Variants in CNTNAP2 observed in about 807,000 individuals in gnomAD.
CNTNAP2 encodes the protein contactin-associated protein-like 2.
In CNTNAP2, 98 loss-of-function variants were observed where a neutral mutation model predicts 155.2. The ratio of observed to expected loss-of-function variants is 0.63; its 90% CI spans 0.54 to 0.75. The LOEUF is 0.75. Ranked by LOEUF, CNTNAP2 falls within the 30% of genes least tolerant of loss-of-function variation. CNTNAP2 has a pLI of 0.00. For synonymous variants in CNTNAP2, 651 were observed against 631.2 expected, an observed-to-expected ratio of 1.03 and a Z score of -0.47; for missense variants, 1,727 against 1,688.1, an observed-to-expected ratio of 1.02 and a Z score of -0.40.
chr7:147,851,070 T>G (rs1421239440), intron 13 of CNTNAP2, among the ~76,000 whole-genome samples: 1 of 151,960 alleles, frequency 6.6e-6, no homozygotes, highest in Non-Finnish European at 1.5e-5. Flanking sequence ...TCAAACAAAT[T>G]TACAAGAAAA....
intron 3 of CNTNAP2, among the ~76,000 whole-genome samples, chr7:146,891,272 A>C (rs1253356739): frequency 6.6e-6 from 1 of 152,166 alleles, no homozygotes; most frequent in Non-Finnish European, 1.5e-5. Context: ...GAATGGGTTC[A>C]AGCCTAAAAA....
At chr7:146,591,363 A>T (rs1584996592) in intron 1 of CNTNAP2, among the ~76,000 whole-genome samples, 1 of 109,848 alleles carries the variant, frequency 9.1e-6, no homozygotes, top group East Asian at 2.5e-4. Context: ...TTCTTCAAAG[A>T]AATTGGTTGT....
intron 2 of CNTNAP2, among the ~76,000 whole-genome samples, chr7:146,824,110 C>A (rs1472812511): frequency 6.6e-6 from 1 of 152,094 alleles, no homozygotes; most frequent in Non-Finnish European, 1.5e-5. Context: ...TTTTTCAGCT[C>A]CCACTTATGA....
intron 12 of CNTNAP2, among the ~76,000 whole-genome samples, chr7:147,573,091 A>G (rs1170889995): frequency 6.6e-6 from 1 of 152,188 alleles, no homozygotes; most frequent in Non-Finnish European, 1.5e-5. Context: ...GAAAATATTT[A>G]AAGTTTTATT....
intron 12 of CNTNAP2, among the ~76,000 whole-genome samples, chr7:147,594,370 G>C (rs1800790759): frequency 6.6e-6 from 1 of 152,110 alleles, no homozygotes; most frequent in African/African-American, 2.4e-5. Flanking sequence ...GGTGGCAGGA[G>C]AAGTTCCCAC....
chr7:146,921,617 A>G (rs1218189373), intron 3 of CNTNAP2, among the ~76,000 whole-genome samples: 2 of 152,122 alleles, frequency 1.3e-5, no homozygotes, highest in Non-Finnish European at 2.9e-5. Flanking sequence ...GGGAATTCCC[A>G]TTTATTAAAT....
intron 9 of CNTNAP2, among the ~76,000 whole-genome samples, chr7:147,326,039 C>T: frequency 6.6e-6 from 1 of 152,238 alleles, no homozygotes; most frequent in South Asian, 2.1e-4. Context: ...TCTCCTGCCT[C>T]AGCCTCCCCA....
At chr7:148,132,416 A>C (rs1282570263) in intron 16 of CNTNAP2, among the ~76,000 whole-genome samples, 1 of 149,676 alleles carries the variant, frequency 6.7e-6, no homozygotes, top group Admixed American at 6.6e-5. Context: ...GGTACTTCTC[A>C]ATTTTTAAGG....
At chr7:148,274,283 T>C (rs1796833208) in intron 21 of CNTNAP2, among the ~76,000 whole-genome samples, 1 of 152,126 alleles carries the variant, frequency 6.6e-6, no homozygotes, top group Admixed American at 6.5e-5. Flanking sequence ...CCACCGAGAC[T>C]ATAGGGCTGT....
chr7:146,523,217 T>G (rs1797640279), intron 1 of CNTNAP2, among the ~76,000 whole-genome samples: 1 of 152,194 alleles, frequency 6.6e-6, no homozygotes, highest in East Asian at 1.9e-4. Context: ...ATAGCTTAGA[T>G]AGAATAGCCA....
At chr7:147,463,258 C>T (rs1798056487) in intron 10 of CNTNAP2, among the ~76,000 whole-genome samples, 1 of 152,102 alleles carries the variant, frequency 6.6e-6, no homozygotes, top group Non-Finnish European at 1.5e-5. Flanking sequence ...TATATTTGGC[C>T]ATAATTAAGT....
chr7:146,204,431 T>G (rs1216397559), intron 1 of CNTNAP2, among the ~76,000 whole-genome samples: 11 of 152,172 alleles, frequency 7.2e-5, no homozygotes, highest in Admixed American at 3.9e-4. Context: ...CTGATATGGA[T>G]GCTTTGCATA....
In CNTNAP2 at chr7:146,311,653, G is replaced by C. The variant is rs150684559; in HGVS notation, c.97+194680G>C. On this transcript the variant is annotated intron_variant, in intron 1 of 23. Coordinates refer to ENST00000361727, the MANE Select transcript of CNTNAP2 (RefSeq NM_014141.6). ...AGAAAGAAAGACAGAAATTAGGAAA[G>C]AAAGCAAAGAAAGAAAGGAAAGAGA... is the stretch of plus-strand genomic sequence containing the variant. 3.8e-3 allele frequency: 497 copies of C among 131,246 alleles called. 2 individuals carry two copies. Among genetic ancestry groups the C allele is most frequent in the African/African-American group, 0.014 (472 of 34,802 alleles). 8.1% of individuals were successfully genotyped at this position (131,246 alleles called of 1,614,324 possible). A position where few individuals can be genotyped will look rare whatever the true frequency, so the allele number is the denominator to read the frequency against.
intron 1 of CNTNAP2, among the ~76,000 whole-genome samples, chr7:146,636,506 CTG>C (rs1387519122): frequency 1.3e-5 from 2 of 152,068 alleles, no homozygotes; most frequent in African/African-American, 4.8e-5. Flanking sequence ...TCTTATAATT[CTG>C]TGTTTAAATA....
chr7:147,807,805 T>C (rs531294329), intron 13 of CNTNAP2, among the ~76,000 whole-genome samples: 1 of 152,240 alleles, frequency 6.6e-6, no homozygotes, highest in Admixed American at 6.5e-5. Context: ...GATGTGAGCG[T>C]CAGGACAGTT....
intron 21 of CNTNAP2, among the ~76,000 whole-genome samples, chr7:148,278,335 G>A (rs1014459102): frequency 9.9e-5 from 15 of 152,016 alleles, no homozygotes; most frequent in Non-Finnish European, 1.5e-5. Context: ...GGAAAGCCGA[G>A]GCAGGCAGAT....
At position 147,456,675 on chromosome 7, in the gene CNTNAP2, C is replaced by T. The variant is rs762822084; in HGVS notation, c.1671-29260C>T. 4.6e-5 allele frequency among the ~76,000 whole-genome samples: 7 copies of T among 151,520 alleles called. No individual in the cohort carries two copies. The South Asian group carries it at 1.5e-3, about 31-fold the overall frequency. On this transcript the variant is annotated intron_variant, in intron 10 of 23. Transcript: ENST00000361727. ...GAAGCAGTACTTTAGAAAAATTAATCACAGAAAAAAATACAACTAGATACT... is the reference window on the plus strand; with the variant it reads ...GAAGCAGTACTTTAGAAAAATTAATTACAGAAAAAAATACAACTAGATACT...
intron 1 of CNTNAP2, among the ~76,000 whole-genome samples, chr7:146,314,303 G>T (rs1412485725): frequency 1.3e-5 from 2 of 152,152 alleles, no homozygotes; most frequent in African/African-American, 4.8e-5. Context: ...TTTGTTCTTA[G>T]TGGCCCCAAT....
chr7:147,900,046 A>G (rs963798422), intron 13 of CNTNAP2, among the ~76,000 whole-genome samples: 1 of 152,110 alleles, frequency 6.6e-6, no homozygotes, highest in African/African-American at 2.4e-5. Flanking sequence ...GTGACCTTCC[A>G]GCTGTCAAAT....
Sources: allele counts gnomAD v4.1 joint callset (sites outside exome capture counted in the v4.1 genomes callset), GRCh38; gene constraint gnomAD v4.1.1; transcripts MANE v1.5; gene names NCBI Gene and HGNC (gene_info 2026-07-23, HGNC 2026-07-21).